Variants in RFX4 observed in about 807,000 individuals in gnomAD.
RFX4 encodes transcription factor RFX4.
A neutral mutation model predicts 95.0 loss-of-function variants in RFX4; 10 were observed. The ratio of observed to expected loss-of-function variants is 0.11; its 90% CI spans 0.06 to 0.18. The LOEUF (loss-of-function observed/expected upper bound fraction) is 0.18. Ranked by LOEUF, RFX4 falls within the 10% of genes least tolerant of loss-of-function variation. The pLI, the probability that RFX4 is intolerant of heterozygous loss-of-function variation, is 1.00. For synonymous variants in RFX4, 321 were observed against 340.7 expected, an observed-to-expected ratio of 0.94 and a Z score of 0.64; for missense variants, 640 against 922.0, an observed-to-expected ratio of 0.69 and a Z score of 3.96.
intron 8 of RFX4, among the ~76,000 whole-genome samples, chr12:106,705,080 A>C (rs1470150351): frequency 6.6e-6 from 1 of 152,212 alleles, no homozygotes; most frequent in Non-Finnish European, 1.5e-5. Context: ...CACTTGCTGC[A>C]TCTCTTTGGA....
intron 7 of RFX4, among the ~76,000 whole-genome samples, chr12:106,693,902 T>C (rs762760689): frequency 2.6e-5 from 4 of 152,190 alleles, no homozygotes. Flanking sequence ...ATTAAACATC[T>C]ATGATGTGCC....
At chr12:106,684,824 C>G in intron 5 of RFX4, 1 of 1,555,032 alleles carries the variant, frequency 6.4e-7, no homozygotes, top group Non-Finnish European at 8.7e-7. Flanking sequence ...ATGAACTGGG[C>G]TGCCTTCGGA....
chr12:106,755,785 A>G (rs1428175262), intron 17 of RFX4, among the ~76,000 whole-genome samples: 1 of 152,232 alleles, frequency 6.6e-6, no homozygotes, highest in African/African-American at 2.4e-5. Context: ...CAGACTCACC[A>G]GGGAAAAGGA....
chr12:106,611,937 A>G (rs1305759740), intron 2 of RFX4, among the ~76,000 whole-genome samples: 1 of 152,158 alleles, frequency 6.6e-6, no homozygotes, highest in Non-Finnish European at 1.5e-5. Flanking sequence ...ATGTATGTGG[A>G]GGTTTATTTC....
At chr12:106,618,418 A>T (rs2040117077) in intron 2 of RFX4, among the ~76,000 whole-genome samples, 1 of 151,948 alleles carries the variant, frequency 6.6e-6, no homozygotes, top group African/African-American at 2.4e-5. Flanking sequence ...TTTTTACTTT[A>T]TATATTTTGA....
At chr12:106,670,069 G>C (rs1275408885) in intron 4 of RFX4, among the ~76,000 whole-genome samples, 2 of 152,052 alleles carry the variant, frequency 1.3e-5, no homozygotes, top group Non-Finnish European at 2.9e-5. Context: ...CTGTAAAAGG[G>C]CTACTTAGCA....
rs1332111249 is a variant in RFX4 at position 106,732,180 on chromosome 12, T to C, written c.1402T>C (p.Leu468=). Residue 468 remains leucine, a synonymous_variant, in exon 14 of 18, where the codon TTA becomes CTA. Transcript: ENST00000392842. ...GTTTGATGACTACGTGCTCTACCTG[T>C]TAGAATCTCTGCACTGTCAGGAGCG... ...LMFDDYVLYL[L]ESLHCQERAN... 6.2e-7 allele frequency: 1 copy of C among 1,613,928 alleles called. No individual in the cohort carries two copies. Among genetic ancestry groups the C allele is most frequent in the African/African-American group, 1.3e-5 (1 of 74,934 alleles).
chr12:106,611,878 T>G (rs1238003763), intron 2 of RFX4, among the ~76,000 whole-genome samples: 1 of 152,208 alleles, frequency 6.6e-6, no homozygotes, highest in Non-Finnish European at 1.5e-5. Context: ...AAAAGACTAT[T>G]CTTTCCCCCA....
At chr12:106,616,880 C>T (rs1425111935) in intron 2 of RFX4, among the ~76,000 whole-genome samples, 1 of 152,068 alleles carries the variant, frequency 6.6e-6, no homozygotes, top group Admixed American at 6.5e-5. Context: ...CCTGCCTCAG[C>T]CTCCTGAGTA....
chr12:106,583,076 T>A lies in RFX4; in HGVS notation c.-245T>A. The stretch of plus-strand genomic sequence containing the variant: ...TCCCCTTGCTCGCTCGCTTTTTCTC[T>A]CTCCCCCTTCTCCGAGCTCGCTCCC... On this transcript the variant is annotated 5_prime_UTR_variant, in exon 1 of 18. Coordinates refer to ENST00000392842, the MANE Select transcript of RFX4 (RefSeq NM_213594.3). 2.3e-6 allele frequency: 1 copy of A among 442,978 alleles called. No individual in the cohort carries two copies. The highest frequency in any genetic ancestry group is 5.6e-5 in the South Asian group (1 of 17,860). 27.4% of individuals were successfully genotyped at this position (442,978 alleles called of 1,614,324 possible).
rs1222720196 is a variant in RFX4 at position 106,720,914 on chromosome 12, T to C, written c.1351+38T>C. The C allele has an allele frequency of 1.3e-6, 2 of 1,584,274 alleles. No individual in the cohort carries two copies. The highest frequency in any genetic ancestry group is 2.7e-5 in the African/African-American group (2 of 74,414). On this transcript the variant is annotated intron_variant, in intron 13 of 17. Coordinates refer to ENST00000392842, the MANE Select transcript of RFX4 (RefSeq NM_213594.3). This position sits in a 1 kb window ranked among gnomAD's most constrained non-coding sequence, Gnocchi z 4.2. ...CAGCCCTCCCCATCTCCAAGCACTT[T>C]TTCCTCTGGGCACGGAGCCCAGAGG...
chr12:106,694,643 A>G (rs2137444386), intron 7 of RFX4, among the ~76,000 whole-genome samples: 1 of 152,300 alleles, frequency 6.6e-6, no homozygotes, highest in South Asian at 2.1e-4. Context: ...TGGACAACTA[A>G]TATCTCTGCA....
intron 8 of RFX4, 86 bp downstream of exon 8, chr12:106,696,532 C>T (rs1312980213): frequency 5.4e-6 from 8 of 1,471,568 alleles, no homozygotes; most frequent in Non-Finnish European, 5.6e-6. Context: ...TAATCATGCA[C>T]TGTCCAGAGG....
In RFX4 at chr12:106,715,542, A is replaced by G. The variant is rs772972230; in HGVS notation, c.1136A>G (p.Gln379Arg). ...GATGAGCACCGGAAACTCATCACCC[A>G]ATGTAAGCTGTCCCACCAGGGATTG... is the stretch of plus-strand genomic sequence containing the variant. ...SRDEHRKLIT[Q>R]LYQEFDHLLE... The change falls in exon 11 of 18, where the codon CAA becomes CGA. Residue 379 changes from glutamine (Q) to arginine (R), a missense_variant and splice_region_variant. By Grantham distance (43) the Gln-to-Arg change is conservative. Transcript: ENST00000392842. 2 of 1,613,864 alleles carry G rather than the reference A, an allele frequency of 1.2e-6. No individual in the cohort carries two copies. Among genetic ancestry groups the G allele is most frequent in the South Asian group, 2.2e-5 (2 of 91,032 alleles).
intron 1 of RFX4, among the ~76,000 whole-genome samples, chr12:106,608,513 A>G (rs2039885671): frequency 6.6e-6 from 1 of 152,200 alleles, no homozygotes; most frequent in African/African-American, 2.4e-5. Flanking sequence ...TGGTGCTACA[A>G]ATACTCCAGA....
intron 4 of RFX4, among the ~76,000 whole-genome samples, chr12:106,678,791 C>T (rs1032824662): frequency 2.6e-5 from 4 of 152,100 alleles, no homozygotes; most frequent in African/African-American, 9.7e-5. Context: ...ACATTATAAG[C>T]ATTTTCTGTG....
intron 16 of RFX4, among the ~76,000 whole-genome samples, chr12:106,748,298 C>T (rs530159381): frequency 7.8e-4 from 118 of 152,244 alleles, no homozygotes; most frequent in Middle Eastern, 6.8e-3. Flanking sequence ...TTGTACACTT[C>T]GCAGAATTAC....
At position 106,601,331 on chromosome 12, in the gene RFX4, C is replaced by G. The variant is rs138167459; in HGVS notation, c.44-7466C>G. On this transcript the variant is annotated intron_variant, in intron 1 of 17. Coordinates refer to ENST00000392842, the MANE Select transcript of RFX4 (RefSeq NM_213594.3). ...GGGAGGCGACAGGACCAGGCCTCGA[C>G]GGCGCCGTTCCACTGGTAATGACCA... The G allele has an allele frequency of 1.5e-3, 2,323 of 1,586,762 alleles. 29 individuals carry two copies. The African/African-American group carries it at 0.027, about 19-fold the overall frequency.
chr12:106,715,436 T>C lies in RFX4; in HGVS notation c.1030T>C (p.Phe344Leu), dbSNP rs761550566. Reference sequence around the variant, plus strand: ...AGTGATCCACAGTGCAGACATCACGTTCCAAATGCTGGAAGACTGGAGGAA... The same window carrying C: ...AGTGATCCACAGTGCAGACATCACGCTCCAAATGCTGGAAGACTGGAGGAA... ...RTVIHSADIT[F>L]QMLEDWRNVD... Residue 344 changes from phenylalanine to leucine, a missense_variant, in exon 11 of 18, where the codon TTC becomes CTC. This residue lies in a region of RFX4 where 96 missense variants were observed against 183.7 expected (regional missense o/e 0.52). Coordinates refer to ENST00000392842, the MANE Select transcript of RFX4 (RefSeq NM_213594.3). The C allele has an allele frequency of 1.9e-6, 3 of 1,614,126 alleles. No homozygotes were observed. The South Asian group carries it at 3.3e-5, about 18-fold the overall frequency.
Sources: allele counts gnomAD v4.1 joint callset (sites outside exome capture counted in the v4.1 genomes callset), GRCh38; gene constraint gnomAD v4.1.1; regional missense constraint gnomAD v4.1.1; non-coding constraint Gnocchi (gnomAD v3.1); transcripts MANE v1.5; gene names NCBI Gene and HGNC (gene_info 2026-07-23, HGNC 2026-07-21).